Variants in WDR87 observed in about 807,000 individuals in gnomAD.
The protein encoded by WDR87 is WD repeat-containing protein 87.
Under a neutral mutation model 83.3 loss-of-function variants are expected in WDR87, and 56 were observed. The observed-to-expected ratio is 0.67, with a 90% confidence interval of 0.54 to 0.84. WDR87 has a LOEUF of 0.84. WDR87 is among the 40% of genes least tolerant of loss of function. The pLI is 0.00. For missense variants in WDR87, 2,939 were observed against 3,431.9 expected, an observed-to-expected ratio of 0.86 and a Z score of 3.59; for synonymous variants, 1,173 against 1,250.6, an observed-to-expected ratio of 0.94 and a Z score of 1.31.
In WDR87 at chr19:37,893,948, A is replaced by G; in HGVS notation, c.1755T>C (p.His585=). 6.4e-7 allele frequency: 1 copy of G among 1,551,902 alleles called. No individual in the cohort carries two copies. Among genetic ancestry groups the G allele is most frequent in the Non-Finnish European group, 8.7e-7 (1 of 1,147,036 alleles). The change falls in exon 4 of 6, where the codon CAT becomes CAC. Residue 585 remains histidine (H), a synonymous_variant. Coordinates refer to ENST00000447313, the MANE Select transcript of WDR87 (RefSeq NM_001291088.2). ...TCTGTGACCCAGAGGACAGAAAATC[A>G]TGGAACTTCCAGAGACGCAGGCAGT... is the stretch of plus-strand genomic sequence containing the variant. ...ETNCLRLWKF[H]DFLSSGSQNG...
rs986502603 is a variant in WDR87 at position 37,889,263 on chromosome 19, C to T, written c.4408G>A (p.Val1470Met). 5 of 1,551,802 alleles carry T rather than the reference C, an allele frequency of 3.2e-6. No homozygotes were observed. The highest frequency in any genetic ancestry group is 2.0e-5 in the Admixed American group (1 of 50,962). The stretch of plus-strand genomic sequence containing the variant: ...TCCTCTAGTGTGGCCATTTCCTCCA[C>T]TTCCTCACTCATATCCCTCTCTTCT... ...TKEERDMSEE[V>M]EEMATLEEKV... Residue 1470 changes from valine (V) to methionine (M), a missense_variant, in exon 6 of 6, where the codon GTG becomes ATG. Around this residue, in one of 3 missense-constraint regions of WDR87, gnomAD observed 2,160 missense variants for 2,533.1 expected, o/e 0.85. Coordinates refer to ENST00000447313, the MANE Select transcript of WDR87 (RefSeq NM_001291088.2).
intron 1 of WDR87, among the ~76,000 whole-genome samples, chr19:37,903,166 T>C (rs1406067642): frequency 2.0e-5 from 3 of 152,014 alleles, no homozygotes; most frequent in African/African-American, 7.3e-5. Flanking sequence ...TGGTCTCACA[T>C]TTGGGCACAG....
rs1218380232 is a variant in WDR87, at chr19:37,890,078, TC to T, written c.3592del (p.Asp1198IlefsTer9). The T allele has an allele frequency of 1.7e-5, 27 of 1,551,790 alleles. No homozygotes were observed. Among genetic ancestry groups the T allele is most frequent in the Non-Finnish European group, 2.4e-5 (27 of 1,147,048 alleles). ...LSKDVDSQEK[D>X]ISKDHIALTL... ...CAATGCAATGTGATCCTTCGAGATA[TC>T]TTTCTCTTGAGAATCAACATCTTTT... On this transcript the variant is annotated frameshift_variant, in exon 6 of 6. Coordinates refer to ENST00000447313, the MANE Select transcript of WDR87 (RefSeq NM_001291088.2). LOFTEE classifies it low-confidence loss of function (END_TRUNC).
intron 1 of WDR87, among the ~76,000 whole-genome samples, chr19:37,904,342 T>C (rs988936207): frequency 3.3e-5 from 5 of 151,112 alleles, no homozygotes; most frequent in African/African-American, 1.2e-4. Context: ...GTTGTGTCTT[T>C]CTTTTGTGTG....
At position 37,895,324 on chromosome 19, in the gene WDR87, C is replaced by A. The variant is rs1483908832; in HGVS notation, c.379G>T (p.Asp127Tyr). 6.4e-7 allele frequency: 1 copy of A among 1,551,616 alleles called. No homozygotes were observed. Among genetic ancestry groups the A allele is most frequent in the Non-Finnish European group, 8.7e-7 (1 of 1,147,012 alleles). Residue 127 changes from aspartate to tyrosine, a missense_variant, in exon 4 of 6, where the codon GAC becomes TAC. By Grantham distance (160) the Asp-to-Tyr change is radical. Transcript: ENST00000447313. ...TCCCCAAAGAGTCGCAGGATCAGGT[C>A]ACCACAGTAGACCACGAGGATATGA... is the stretch of plus-strand genomic sequence containing the variant. ...SFHILVVYCG[D>Y]LILRLFGDHF...
rs1054667018 is a variant in WDR87, at chr19:37,896,129, C to G, written c.246+9G>C. The G allele has an allele frequency of 5.8e-6, 9 of 1,552,162 alleles. No individual in the cohort carries two copies. Among genetic ancestry groups the G allele is most frequent in the Non-Finnish European group, 7.8e-6 (9 of 1,147,064 alleles). ...AATGGGCCAAGAAGGGTAAGAAAGG[C>G]AGTCTTACTTGTATTTCTTTTGTGT... On this transcript the variant is annotated intron_variant, in intron 3 of 5. Transcript: ENST00000447313.
rs143846154 is a variant in WDR87, at chr19:37,892,485, G to A, written c.3125+93C>T. ...AGGCTATGAGAAAGAAGAAACATCA[G>A]GGAGAATTAATGAACAGGGATGAAG... is the stretch of plus-strand genomic sequence containing the variant. On this transcript the variant is annotated intron_variant, in intron 4 of 5. Transcript: ENST00000447313. The A allele has an allele frequency of 9.3e-6, 11 of 1,188,674 alleles. No homozygotes were observed. In the East Asian group the frequency reaches 2.8e-4, roughly 31 times the overall value. 73.6% of individuals were successfully genotyped at this position (1,188,674 alleles called of 1,614,324 possible).
rs1408413719 is a variant in WDR87, at chr19:37,885,390, C to T, written c.8281G>A (p.Glu2761Lys). The change falls in exon 6 of 6, where the codon GAG becomes AAG. Residue 2761 changes from glutamate (E) to lysine (K), a missense_variant. By Grantham distance (56) the Glu-to-Lys change is moderately conservative. This residue lies in a region of WDR87 where 2,160 missense variants were observed against 2,533.1 expected (regional missense o/e 0.85). Transcript: ENST00000447313. ...KTQPISKKKE[E>K]LPLWETFVAL... ...ACAAATGTCTCCCACAAAGGCAACT[C>T]TTCCTTTTTTTTAGAAATGGGCTGT... 6.4e-7 allele frequency: 1 copy of T among 1,551,872 alleles called. No individual in the cohort carries two copies. Among genetic ancestry groups the T allele is most frequent in the Admixed American group, 2.0e-5 (1 of 51,004 alleles).
chr19:37,891,267 G>T (rs1366253861), intron 5 of WDR87, among the ~76,000 whole-genome samples: 1 of 151,140 alleles, frequency 6.6e-6, no homozygotes, highest in East Asian at 1.9e-4. Context: ...GGGTTCAAGT[G>T]ATTCTCCCAC....
Position 37,893,854 on chromosome 19 carries a change from A to G in WDR87, c.1849T>C (p.Ser617Pro). The G allele has an allele frequency of 1.3e-6, 2 of 1,551,948 alleles. No homozygotes were observed. The highest frequency in any genetic ancestry group is 2.4e-5 in the East Asian group (1 of 40,930). Residue 617 changes from serine (S) to proline (P), a missense_variant, in exon 4 of 6, where the codon TCC becomes CCC. Transcript: ENST00000447313. ...CAITSFDVCL[S>P]LSLFVTGSAD... The stretch of plus-strand genomic sequence containing the variant: ...GAACCTGTGACAAAAAGACTCAAGG[A>G]GAGGCAGACATCAAAGGATGTGATG...
rs932275261 is a variant in WDR87, at chr19:37,888,828, T to C, written c.4843A>G (p.Arg1615Gly). The C allele has an allele frequency of 6.4e-6, 10 of 1,551,794 alleles. No individual in the cohort carries two copies. Among genetic ancestry groups the C allele is most frequent in the Non-Finnish European group, 7.8e-6 (9 of 1,147,034 alleles). ...RHIQEEHKWA[R>G]IHRKRARAEK... The stretch of plus-strand genomic sequence containing the variant: ...GCTCGGGCTCGTTTCCTGTGTATTC[T>C]GGCCCATTTGTGTTCTTCTTGGATG... The change falls in exon 6 of 6, where the codon AGA becomes GGA. Residue 1615 changes from arginine to glycine, a missense_variant. By Grantham distance (125) the Arg-to-Gly change is moderately radical. This residue lies in a region of WDR87 where 2,160 missense variants were observed against 2,533.1 expected (regional missense o/e 0.85). Coordinates refer to ENST00000447313, the MANE Select transcript of WDR87 (RefSeq NM_001291088.2).
At chr19:37,902,703 G>A (rs1207675451) in intron 1 of WDR87, among the ~76,000 whole-genome samples, 2 of 152,166 alleles carry the variant, frequency 1.3e-5, no homozygotes, top group Non-Finnish European at 2.9e-5. Flanking sequence ...CCACTGTAAG[G>A]TACAGCATTA....
intron 2 of WDR87, among the ~76,000 whole-genome samples, chr19:37,897,401 G>A (rs189639090): frequency 1.1e-4 from 16 of 151,436 alleles, no homozygotes; most frequent in African/African-American, 3.6e-4. Context: ...GTAGAGACGG[G>A]ATTTCACCAT....
Position 37,888,927 on chromosome 19 carries a change from C to T in WDR87, c.4744G>A (p.Glu1582Lys). The change falls in exon 6 of 6, where the codon GAA becomes AAA. Residue 1582 changes from glutamate (E) to lysine (K), a missense_variant. Coordinates refer to ENST00000447313, the MANE Select transcript of WDR87 (RefSeq NM_001291088.2). ...GACACTTCTTCCTCCAAAGTCACTT[C>T]TTCCTCATCCTTGTACTGTTGCTCC... ...SKEQQYKDEE[E>K]VTLEEEVSRE... 2 of 1,552,224 alleles carry T rather than the reference C, an allele frequency of 1.3e-6. No individual in the cohort carries two copies. Among genetic ancestry groups the T allele is most frequent in the South Asian group, 2.4e-5 (2 of 84,058 alleles).
At position 37,886,524 on chromosome 19, in the gene WDR87, A is replaced by G. The variant is rs2046146561; in HGVS notation, c.7147T>C (p.Leu2383=). ...AACTTAAATTGTTTTTCTTTTTTTA[A>G]GATCTCTTTTTCCCTGTCCACCTCT... is the stretch of plus-strand genomic sequence containing the variant. The part of the protein sequence containing the change: ...EEEVDREKEI[L]KKEKQFKLQE... The change falls in exon 6 of 6, where the codon TTA becomes CTA. Residue 2383 remains leucine, a synonymous_variant. Transcript: ENST00000447313. 1.3e-6 allele frequency: 2 copies of G among 1,501,018 alleles called. No individual in the cohort carries two copies. Among genetic ancestry groups the G allele is most frequent in the Admixed American group, 2.7e-5 (1 of 37,706 alleles). The allele number at this position is 1,501,018 out of a possible 1,614,324, so 93.0% of individuals were successfully genotyped here.
At position 37,889,193 on chromosome 19, in the gene WDR87, G is replaced by A. The variant is rs200670212; in HGVS notation, c.4478C>T (p.Thr1493Ile). Residue 1493 changes from threonine (T) to isoleucine (I), a missense_variant, in exon 6 of 6, where the codon ACA becomes ATA. Transcript: ENST00000447313. Reference protein sequence around the residue: ...QEGKLVMIERTPSWQDWKKAW... With the variant: ...QEGKLVMIERIPSWQDWKKAW... ...CTTTTTCCAGTCCTGCCAAGATGGT[G>A]TCCTCTCAATCATAACCAGTTTTCC... 148 of 1,552,036 alleles carry A rather than the reference G, an allele frequency of 9.5e-5. 2 individuals are homozygous for A. In the Admixed American group the frequency reaches 2.9e-3, roughly 30 times the overall value.
At chr19:37,890,607 T>C (rs1478557454) in intron 5 of WDR87, among the ~76,000 whole-genome samples, 1 of 152,152 alleles carries the variant, frequency 6.6e-6, no homozygotes, top group Non-Finnish European at 1.5e-5. Flanking sequence ...TTGATGAGTT[T>C]GAAAAATGTA....
At chr19:37,890,324 CA>C in intron 5 of WDR87, 48 bp from the exon 6 acceptor site, 1 of 1,464,382 alleles carries the variant, frequency 6.8e-7, no homozygotes, top group Non-Finnish European at 9.0e-7. Flanking sequence ...TGGGAAGCGA[CA>C]TGAAACCCTT....
rs1427355168 is a variant in WDR87, at chr19:37,895,141, G to A, written c.562C>T (p.His188Tyr). The A allele has an allele frequency of 4.5e-6, 7 of 1,551,588 alleles. No individual in the cohort carries two copies. The highest frequency in any genetic ancestry group is 2.0e-5 in the Admixed American group (1 of 50,984). Residue 188 changes from histidine (H) to tyrosine (Y), a missense_variant, in exon 4 of 6, where the codon CAC becomes TAC. His to Tyr is a moderately conservative substitution (Grantham distance 83). Coordinates refer to ENST00000447313, the MANE Select transcript of WDR87 (RefSeq NM_001291088.2). Reference sequence around the variant, plus strand: ...TCATCACCTGGCATGGAGACCATGTGGGCTATTTGGAGGCCCGTGCCACCT... The same window carrying A: ...TCATCACCTGGCATGGAGACCATGTAGGCTATTTGGAGGCCCGTGCCACCT... Reference protein sequence around the residue: ...ELGGTGLQIAHMVSMPGDELV... With the variant: ...ELGGTGLQIAYMVSMPGDELV...
Sources: gnomAD v4.1 joint callset for allele counts (sites outside exome capture counted in the v4.1 genomes callset) on GRCh38, gnomAD v4.1.1 for gene constraint, gnomAD v4.1.1 regional missense constraint, MANE v1.5 for transcripts, NCBI Gene and HGNC (gene_info 2026-07-23, HGNC 2026-07-21) for gene names.